The following PRKCA variants were observed in gnomAD, a reference collection of about 807,000 sequenced individuals.
PRKCA encodes the protein protein kinase C alpha type.
Under a neutral mutation model 87.0 loss-of-function variants are expected in PRKCA, and 27 were observed. That is an observed-to-expected ratio of 0.31 (90% CI 0.23 to 0.43). The LOEUF is 0.43. PRKCA is among the 20% of genes least tolerant of loss of function. The pLI is 1.00. For synonymous variants in PRKCA, 329 were observed against 311.1 expected, an observed-to-expected ratio of 1.06 and a Z score of -0.61; for missense variants, 518 against 852.3, an observed-to-expected ratio of 0.61 and a Z score of 4.88.
chr17:66,322,125 A>C (rs1905705761), intron 2 of PRKCA, among the ~76,000 whole-genome samples: 1 of 152,198 alleles, frequency 6.6e-6, no homozygotes, highest in Admixed American at 6.5e-5. Context: ...CATTGGCAGT[A>C]ATCTCATTTA....
chr17:66,662,155 A>G (rs1438711896), intron 5 of PRKCA, among the ~76,000 whole-genome samples: 1 of 152,176 alleles, frequency 6.6e-6, no homozygotes, highest in African/African-American at 2.4e-5. Context: ...AGGCCCTCTC[A>G]GGTCAGGAAA....
intron 2 of PRKCA, among the ~76,000 whole-genome samples, chr17:66,373,443 AT>A (rs1384886157): frequency 6.6e-6 from 1 of 152,206 alleles, no homozygotes; most frequent in Non-Finnish European, 1.5e-5. Context: ...CTTCACTGTC[AT>A]GCATTACTGC....
intron 3 of PRKCA, among the ~76,000 whole-genome samples, chr17:66,562,285 A>T (rs1167990456): frequency 6.7e-6 from 1 of 149,686 alleles, no homozygotes; most frequent in African/African-American, 2.4e-5. Context: ...AAAAGAATAG[A>T]GGTATCTGTA....
chr17:66,467,480 AT>A (rs1250517918), intron 2 of PRKCA, among the ~76,000 whole-genome samples: 2 of 151,192 alleles, frequency 1.3e-5, no homozygotes, highest in Admixed American at 6.6e-5. Context: ...GGGCAAACAC[AT>A]TTTTTTTTGC....
chr17:66,589,935 G>A (rs527460762), intron 3 of PRKCA, among the ~76,000 whole-genome samples: 33 of 152,186 alleles, frequency 2.2e-4, no homozygotes, highest in Non-Finnish European at 3.2e-4. Flanking sequence ...ATCTCTCAAT[G>A]TGCAGTTCAC....
intron 5 of PRKCA, among the ~76,000 whole-genome samples, chr17:66,654,105 G>A (rs1971665060): frequency 6.6e-6 from 1 of 152,212 alleles, no homozygotes; most frequent in Non-Finnish European, 1.5e-5. Context: ...TTGCAGAGAG[G>A]ATTGGTGGGT....
intron 2 of PRKCA, among the ~76,000 whole-genome samples, chr17:66,345,540 C>T (rs1249221487): frequency 6.6e-6 from 1 of 152,148 alleles, no homozygotes; most frequent in Non-Finnish European, 1.5e-5. Flanking sequence ...GGATGCATTC[C>T]CTTCACAAAG....
At chr17:66,625,046 C>T (rs1414867876) in intron 3 of PRKCA, among the ~76,000 whole-genome samples, 1 of 152,126 alleles carries the variant, frequency 6.6e-6, no homozygotes, top group East Asian at 1.9e-4. Context: ...TGAACAAACC[C>T]TTCATCTTTC....
chr17:66,777,799 A>G (rs1302660759), intron 14 of PRKCA: 2 of 985,278 alleles, frequency 2.0e-6, no homozygotes, highest in Non-Finnish European at 2.4e-6. Context: ...GGCGCTTTAC[A>G]AGAGGTCACG....
intron 5 of PRKCA, among the ~76,000 whole-genome samples, chr17:66,668,617 G>A (rs17688563): frequency 0.41 from 61,669 of 151,984 alleles, 12,789 homozygotes; most frequent in East Asian, 0.5. Flanking sequence ...CAGTATCTTT[G>A]GGCAAATAAC....
intron 13 of PRKCA, among the ~76,000 whole-genome samples, chr17:66,762,489 C>T (rs778820803): frequency 9.9e-5 from 15 of 152,188 alleles, no homozygotes; most frequent in Non-Finnish European, 2.1e-4. Flanking sequence ...CAGTTGGGTT[C>T]GGAGCTCTCT....
intron 2 of PRKCA, among the ~76,000 whole-genome samples, chr17:66,369,206 C>G (rs137917319): frequency 6.6e-6 from 1 of 152,206 alleles, no homozygotes; most frequent in Non-Finnish European, 1.5e-5. Context: ...AGTTTCATCA[C>G]AGATGATGCT....
intron 8 of PRKCA, among the ~76,000 whole-genome samples, chr17:66,726,931 G>A (rs1381333956): frequency 6.6e-6 from 1 of 152,100 alleles, no homozygotes; most frequent in East Asian, 1.9e-4. Context: ...CACCATGTTG[G>A]CAGGCTGGTC....
At chr17:66,737,729 ACT>A (rs1429760001) in intron 10 of PRKCA, among the ~76,000 whole-genome samples, 2 of 152,104 alleles carry the variant, frequency 1.3e-5, no homozygotes, top group Non-Finnish European at 2.9e-5. Context: ...GTTCCCACTG[ACT>A]CTGAATCAAG....
intron 3 of PRKCA, among the ~76,000 whole-genome samples, chr17:66,593,651 T>G (rs1969883808): frequency 6.6e-6 from 1 of 152,218 alleles, no homozygotes; most frequent in South Asian, 2.1e-4. Flanking sequence ...TGAAGATGTT[T>G]TTAATCCATT....
intron 3 of PRKCA, among the ~76,000 whole-genome samples, chr17:66,577,731 A>G (rs1414058736): frequency 6.6e-6 from 1 of 152,128 alleles, no homozygotes; most frequent in Non-Finnish European, 1.5e-5. Flanking sequence ...ATGTATTTAG[A>G]GCTAAAGGAG....
chr17:66,365,381 G>A (rs914892308), intron 2 of PRKCA, among the ~76,000 whole-genome samples: 1 of 152,154 alleles, frequency 6.6e-6, no homozygotes, highest in Non-Finnish European at 1.5e-5. Flanking sequence ...GGAAGAAAAG[G>A]AGAGGGTGTG....
At chr17:66,526,667 A>G (rs556195714) in intron 3 of PRKCA, among the ~76,000 whole-genome samples, 10 of 152,318 alleles carry the variant, frequency 6.6e-5, no homozygotes, top group Non-Finnish European at 8.8e-5. Flanking sequence ...CACATGGCTA[A>G]GCTCAAAGTT....
rs866826438 is a variant in PRKCA at position 66,562,153 on chromosome 17, A to G, written c.288+65870A>G. The stretch of plus-strand genomic sequence containing the variant: ...ATAATTAAATTATATATATAATTAA[A>G]TTATATATATAATTAAATATATATA... On this transcript the variant is annotated intron_variant, in intron 3 of 16. Transcript: ENST00000413366. 9.9e-4 allele frequency among the ~76,000 whole-genome samples: 34 copies of G among 34,192 alleles called. 2 individuals carry two copies. Among genetic ancestry groups the G allele is most frequent in the African/African-American group, 5.4e-3 (31 of 5,760 alleles). 22.4% of individuals were successfully genotyped at this position (34,192 alleles called of 152,430 possible).
Sources: gnomAD v4.1 joint callset for allele counts (sites outside exome capture counted in the v4.1 genomes callset) on GRCh38, gnomAD v4.1.1 for gene constraint, MANE v1.5 for transcripts, NCBI Gene and HGNC (gene_info 2026-07-23, HGNC 2026-07-21) for gene names.